The following XKR8 variants were observed in gnomAD, a reference collection of about 807,000 sequenced individuals.
XKR8 encodes the protein XK related 8, also known as XK-related protein 8.
A neutral mutation model predicts 17.1 loss-of-function variants in XKR8; 10 were observed. That is an observed-to-expected ratio of 0.59 (90% CI 0.36 to 0.99). The LOEUF is 0.99. Ranked by LOEUF, XKR8 falls within the 50% of genes least tolerant of loss-of-function variation. XKR8 has a pLI of 0.01. For missense variants in XKR8, 411 were observed against 515.6 expected (o/e 0.80, Z 1.96); for synonymous variants, 213 against 251.9 (o/e 0.85, Z 1.46).
At position 27,960,110 on chromosome 1, in the gene XKR8, T is replaced by C; in HGVS notation, c.41T>C (p.Val14Ala). The C allele has an allele frequency of 4.0e-6, 6 of 1,512,280 alleles. No homozygotes were observed. Among genetic ancestry groups the C allele is most frequent in the Non-Finnish European group, 5.3e-6 (6 of 1,137,234 alleles). 93.7% of individuals were successfully genotyped at this position (1,512,280 alleles called of 1,614,324 possible). Residue 14 changes from valine to alanine, a missense_variant, in exon 1 of 3, where the codon GTC (valine) becomes GCC (alanine). Physicochemically the swap from Val to Ala is moderately conservative, Grantham distance 64. Coordinates refer to ENST00000373884, the MANE Select transcript of XKR8 (RefSeq NM_018053.4). This position sits in a 1 kb window ranked among gnomAD's most constrained non-coding sequence, Gnocchi z 5.9. Reference sequence around the variant, plus strand: ...CGCGGCGCCCTCCTTCGGGACCTGGTCCTGGGCGTGCTGGGCACCGCCGCC... The same window carrying C: ...CGCGGCGCCCTCCTTCGGGACCTGGCCCTGGGCGTGCTGGGCACCGCCGCC... ...SSRGALLRDL[V>A]LGVLGTAAFL...
rs1238700867 is a variant in XKR8, at chr1:27,968,012, G to T, written c.*812G>T. The T allele has an allele frequency of 1.3e-5, 2 of 152,702 alleles. No homozygotes were observed. The highest frequency in any genetic ancestry group is 2.9e-5 in the Non-Finnish European group (2 of 68,088). The allele number at this position is 152,702 out of a possible 1,614,324, so 9.5% of individuals were successfully genotyped here. ...TCTATGTGAGAGGAAGAGAATGTGT[G>T]TGCCTGTGGGTCTCTACAAGTGACA... On this transcript the variant is annotated 3_prime_UTR_variant, in exon 3 of 3. Transcript: ENST00000373884.
rs1198242300 is a variant in XKR8, at chr1:27,966,606, C to T, written c.594C>T (p.Gly198=). 2.5e-6 allele frequency: 4 copies of T among 1,614,116 alleles called. No individual in the cohort carries two copies. Among genetic ancestry groups the T allele is most frequent in the South Asian group, 2.2e-5 (2 of 91,070 alleles). ...CLPSKPLLGL[G]SSVIYFLWNL... Reference sequence around the variant, plus strand: ...CCTCCAAGCCGCTCCTGGGCCTGGGCTCCTCCGTGATCTACTTCCTGTGGA... The same window carrying T: ...CCTCCAAGCCGCTCCTGGGCCTGGGTTCCTCCGTGATCTACTTCCTGTGGA... The change falls in exon 3 of 3, where the codon GGC becomes GGT. Residue 198 remains glycine (G), a synonymous_variant. Transcript: ENST00000373884. This position sits in a 1 kb window ranked among gnomAD's most constrained non-coding sequence, Gnocchi z 4.3.
rs1557508038 is a variant in XKR8, at chr1:27,967,491, C to T, written c.*291C>T. ...GAGGAAAGAAGACTACCTTTTCCCC[C>T]TGCCATTGGTATAGCTGGTGCCCCA... On this transcript the variant is annotated 3_prime_UTR_variant, in exon 3 of 3. Coordinates refer to ENST00000373884, the MANE Select transcript of XKR8 (RefSeq NM_018053.4). The surrounding 1 kb of genome is among the most constrained non-coding windows in gnomAD (Gnocchi z 4.3). 1 of 240,966 alleles carries T rather than the reference C, an allele frequency of 4.1e-6. No individual in the cohort carries two copies. Among genetic ancestry groups the T allele is most frequent in the Non-Finnish European group, 8.1e-6 (1 of 124,136 alleles). The allele number at this position is 240,966 out of a possible 1,614,324, so 14.9% of individuals were successfully genotyped here.
In XKR8 at chr1:27,967,502, A is replaced by G. The variant is rs1638601680; in HGVS notation, c.*302A>G. On this transcript the variant is annotated 3_prime_UTR_variant, in exon 3 of 3. Coordinates refer to ENST00000373884, the MANE Select transcript of XKR8 (RefSeq NM_018053.4). This position sits in a 1 kb window ranked among gnomAD's most constrained non-coding sequence, Gnocchi z 4.3. ...ACTACCTTTTCCCCCTGCCATTGGTATAGCTGGTGCCCCAAAACTTCCACC... is the reference window on the plus strand; with the variant it reads ...ACTACCTTTTCCCCCTGCCATTGGTGTAGCTGGTGCCCCAAAACTTCCACC... The G allele has an allele frequency of 9.0e-6, 2 of 222,046 alleles. No individual in the cohort carries two copies. Among genetic ancestry groups the G allele is most frequent in the Non-Finnish European group, 1.8e-5 (2 of 112,406 alleles). The allele number at this position is 222,046 out of a possible 1,614,324, so 13.8% of individuals were successfully genotyped here. A position where few individuals can be genotyped will look rare whatever the true frequency, so the allele number is the denominator to read the frequency against.
chr1:27,966,436 C>A lies in XKR8; in HGVS notation c.491-67C>A. 1 of 1,501,364 alleles carries A rather than the reference C, an allele frequency of 6.7e-7. No individual in the cohort carries two copies. The highest frequency in any genetic ancestry group is 9.1e-7 in the Non-Finnish European group (1 of 1,104,038). The allele number at this position is 1,501,364 out of a possible 1,614,324, so 93.0% of individuals were successfully genotyped here. A position where few individuals can be genotyped will look rare whatever the true frequency, so the allele number is the denominator to read the frequency against. ...GTTGCTGGGAGGGCCCCCACGGTAC[C>A]TGTGACCGCTGGGGAGTGCCAAGCA... On this transcript the variant is annotated intron_variant, in intron 2 of 2. Transcript: ENST00000373884. This position sits in a 1 kb window ranked among gnomAD's most constrained non-coding sequence, Gnocchi z 4.3.
rs115791730 is a variant in XKR8 at position 27,965,533 on chromosome 1, C to A, written c.491-970C>A. On this transcript the variant is annotated intron_variant, in intron 2 of 2. Transcript: ENST00000373884. This position sits in a 1 kb window ranked among gnomAD's most constrained non-coding sequence, Gnocchi z 4.1. ...GGGTCAGGGTGGGTGACTCCCGGGG[C>A]TCTTCAAGCTGGGGCCTGCGGGGTA... is the stretch of plus-strand genomic sequence containing the variant. 0.013 allele frequency among the ~76,000 whole-genome samples: 2,015 copies of A among 152,140 alleles called. 42 individuals are homozygous for A. The highest frequency in any genetic ancestry group is 0.045 in the African/African-American group (1,857 of 41,492).
rs1287238351 is a variant in XKR8 at position 27,960,685 on chromosome 1, C to T, written c.293+323C>T. Among the ~76,000 whole-genome samples the T allele has an allele frequency of 1.3e-5, 2 of 152,242 alleles. No individual in the cohort carries two copies. Among genetic ancestry groups the T allele is most frequent in the African/African-American group, 4.8e-5 (2 of 41,472 alleles). On this transcript the variant is annotated intron_variant, in intron 1 of 2. Transcript: ENST00000373884. The surrounding 1 kb of genome is among the most constrained non-coding windows in gnomAD (Gnocchi z 5.9). Reference sequence around the variant, plus strand: ...CCCCTCTCGCCTCACTTCTGCATTTCTCTGAGCCTCAGTTTCCTCCTGCGT... The same window carrying T: ...CCCCTCTCGCCTCACTTCTGCATTTTTCTGAGCCTCAGTTTCCTCCTGCGT...
Position 27,960,937 on chromosome 1 carries a change from C to T in XKR8, c.293+575C>T, listed in dbSNP as rs939671827. 1.3e-5 allele frequency among the ~76,000 whole-genome samples: 2 copies of T among 152,140 alleles called. No individual in the cohort carries two copies. Among genetic ancestry groups the T allele is most frequent in the East Asian group, 3.9e-4 (2 of 5,188 alleles). ...CATTGGGATGGGGATAGCGCCTGCCCGTTTGGTGAAGATGCAGTGAAATGA... is the reference window on the plus strand; with the variant it reads ...CATTGGGATGGGGATAGCGCCTGCCTGTTTGGTGAAGATGCAGTGAAATGA... On this transcript the variant is annotated intron_variant, in intron 1 of 2. Transcript: ENST00000373884. The surrounding 1 kb of genome is among the most constrained non-coding windows in gnomAD (Gnocchi z 5.9).
At position 27,960,429 on chromosome 1, in the gene XKR8, T is replaced by G. The variant is rs1012999751; in HGVS notation, c.293+67T>G. 1.4e-5 allele frequency: 18 copies of G among 1,327,484 alleles called. No individual in the cohort carries two copies. Among genetic ancestry groups the G allele is most frequent in the South Asian group, 1.9e-5 (1 of 51,812 alleles). The allele number at this position is 1,327,484 out of a possible 1,614,324, so 82.2% of individuals were successfully genotyped here. On this transcript the variant is annotated intron_variant, in intron 1 of 2. Coordinates refer to ENST00000373884, the MANE Select transcript of XKR8 (RefSeq NM_018053.4). The surrounding 1 kb of genome is among the most constrained non-coding windows in gnomAD (Gnocchi z 5.9). Reference sequence around the variant, plus strand: ...GCACCTCCGTCAGCTGGGTCACCTGTACAGGTGACACGCCATATGCCGGGA... The same window carrying G: ...GCACCTCCGTCAGCTGGGTCACCTGGACAGGTGACACGCCATATGCCGGGA...
At chr1:27,961,913 C>T (rs1482023177) in intron 1 of XKR8, among the ~76,000 whole-genome samples, 1 of 152,198 alleles carries the variant, frequency 6.6e-6, no homozygotes, top group East Asian at 1.9e-4. Flanking sequence ...ACTCTTCATG[C>T]CAGTGGGTAC....
Position 27,960,095 on chromosome 1 carries a change from T to C in XKR8, c.26T>C (p.Leu9Pro). Residue 9 changes from leucine (L) to proline (P), a missense_variant, in exon 1 of 3, where the codon CTC becomes CCC. Leu to Pro is a moderately conservative substitution (Grantham distance 98). Coordinates refer to ENST00000373884, the MANE Select transcript of XKR8 (RefSeq NM_018053.4). This position sits in a 1 kb window ranked among gnomAD's most constrained non-coding sequence, Gnocchi z 5.9. MPWSSRGA[L>P]LRDLVLGVLG... is the part of the protein sequence containing the mutation. ...ATGCCCTGGTCGTCCCGCGGCGCCC[T>C]CCTTCGGGACCTGGTCCTGGGCGTG... The C allele has an allele frequency of 6.8e-7, 1 of 1,479,914 alleles. No individual in the cohort carries two copies. Among genetic ancestry groups the C allele is most frequent in the East Asian group, 2.7e-5 (1 of 36,490 alleles). 91.7% of individuals were successfully genotyped at this position (1,479,914 alleles called of 1,614,324 possible).
Position 27,960,161 on chromosome 1 carries a change from T to C in XKR8, c.92T>C (p.Leu31Pro). ...AAFLLDLGTD[L>P]WAAVQYALGG... ...TTCCTGCTCGACCTGGGCACCGACC[T>C]GTGGGCCGCCGTCCAGTATGCGCTC... Residue 31 changes from leucine (L) to proline (P), a missense_variant, in exon 1 of 3, where the codon CTG (leucine) becomes CCG (proline). By Grantham distance (98) the Leu-to-Pro change is moderately conservative (BLOSUM62 -3). Transcript: ENST00000373884. The surrounding 1 kb of genome is among the most constrained non-coding windows in gnomAD (Gnocchi z 5.9). 1.3e-6 allele frequency: 2 copies of C among 1,527,930 alleles called. No homozygotes were observed. Among genetic ancestry groups the C allele is most frequent in the African/African-American group, 1.4e-5 (1 of 71,690 alleles). 94.6% of individuals were successfully genotyped at this position (1,527,930 alleles called of 1,614,324 possible). A position where few individuals can be genotyped will look rare whatever the true frequency, so the allele number is the denominator to read the frequency against.
In XKR8 at chr1:27,966,931, A is replaced by G. The variant is rs1225487437; in HGVS notation, c.919A>G (p.Ser307Gly). Reference protein sequence around the residue: ...ILLVATWVTHSSWLPSGIPLQ... With the variant: ...ILLVATWVTHGSWLPSGIPLQ... ...CCTGGTGGCCACCTGGGTGACTCAT[A>G]GCTCCTGGCTGCCCAGCGGGATTCC... Residue 307 changes from serine to glycine, a missense_variant, in exon 3 of 3, where the codon AGC becomes GGC. Coordinates refer to ENST00000373884, the MANE Select transcript of XKR8 (RefSeq NM_018053.4). The surrounding 1 kb of genome is among the most constrained non-coding windows in gnomAD (Gnocchi z 4.3). 2 of 1,614,124 alleles carry G rather than the reference A, an allele frequency of 1.2e-6. No homozygotes were observed. Among genetic ancestry groups the G allele is most frequent in the African/African-American group, 1.3e-5 (1 of 75,024 alleles).
At chr1:27,962,081 C>T (rs1638479447) in intron 1 of XKR8, among the ~76,000 whole-genome samples, 1 of 152,196 alleles carries the variant, frequency 6.6e-6, no homozygotes, top group African/African-American at 2.4e-5. Flanking sequence ...AGTCTGATTC[C>T]ATCTGGCCTG....
At position 27,960,379 on chromosome 1, in the gene XKR8, G is replaced by A. The variant is rs1638443501; in HGVS notation, c.293+17G>A. 2.9e-6 allele frequency: 4 copies of A among 1,360,822 alleles called. No individual in the cohort carries two copies. The highest frequency in any genetic ancestry group is 3.0e-5 in the East Asian group (1 of 33,640). The allele number at this position is 1,360,822 out of a possible 1,614,324, so 84.3% of individuals were successfully genotyped here. On this transcript the variant is annotated intron_variant, in intron 1 of 2. Transcript: ENST00000373884. The surrounding 1 kb of genome is among the most constrained non-coding windows in gnomAD (Gnocchi z 5.9). ...CCTGTACAGGTGAGTGCTTCGCCCC[G>A]GGAGGGGAGGAGTGTCGGAGCCCAG...
chr1:27,960,387 A>T lies in XKR8; in HGVS notation c.293+25A>T. ...GGTGAGTGCTTCGCCCCGGGAGGGG[A>T]GGAGTGTCGGAGCCCAGCACCTCCG... On this transcript the variant is annotated intron_variant, in intron 1 of 2. Coordinates refer to ENST00000373884, the MANE Select transcript of XKR8 (RefSeq NM_018053.4). This position sits in a 1 kb window ranked among gnomAD's most constrained non-coding sequence, Gnocchi z 5.9. 1.5e-6 allele frequency: 2 copies of T among 1,357,018 alleles called. No individual in the cohort carries two copies. The highest frequency in any genetic ancestry group is 1.8e-5 in the South Asian group (1 of 56,078). The allele number at this position is 1,357,018 out of a possible 1,614,324, so 84.1% of individuals were successfully genotyped here.
At position 27,966,921 on chromosome 1, in the gene XKR8, G is replaced by A. The variant is rs778536203; in HGVS notation, c.909G>A (p.Trp303Ter). 6.2e-7 allele frequency: 1 copy of A among 1,614,188 alleles called. No homozygotes were observed. Among genetic ancestry groups the A allele is most frequent in the South Asian group, 1.1e-5 (1 of 91,086 alleles). ...ACAGCATTCTCCTGGTGGCCACCTG[G>A]GTGACTCATAGCTCCTGGCTGCCCA... is the stretch of plus-strand genomic sequence containing the variant. ...LSDSILLVATWVTHSSWLPSG... is the reference protein window; with the variant it reads ...LSDSILLVAT The change falls in exon 3 of 3, where the codon TGG becomes TGA. Residue 303 changes from tryptophan to a stop codon, truncating the protein, a stop_gained. Coordinates refer to ENST00000373884, the MANE Select transcript of XKR8 (RefSeq NM_018053.4). LOFTEE classifies it low-confidence loss of function (END_TRUNC). This position sits in a 1 kb window ranked among gnomAD's most constrained non-coding sequence, Gnocchi z 4.3.
rs1638544235 is a variant in XKR8, at chr1:27,965,149, GT to G, written c.491-1353del. On this transcript the variant is annotated intron_variant, in intron 2 of 2. Coordinates refer to ENST00000373884, the MANE Select transcript of XKR8 (RefSeq NM_018053.4). This position sits in a 1 kb window ranked among gnomAD's most constrained non-coding sequence, Gnocchi z 4.1. ...TATATTGATCTTCATTTTTAAAGAG[GT>G]GCAGAAAGGTGAGTGACTTGCCCTG... 6.6e-6 allele frequency among the ~76,000 whole-genome samples: 1 copy of G among 152,076 alleles called. No homozygotes were observed. Among genetic ancestry groups the G allele is most frequent in the Non-Finnish European group, 1.5e-5 (1 of 68,034 alleles).
rs1442288292 is a variant in XKR8 at position 27,966,443 on chromosome 1, C to T, written c.491-60C>T. The T allele has an allele frequency of 9.8e-6, 15 of 1,531,552 alleles. No individual in the cohort carries two copies. Among genetic ancestry groups the T allele is most frequent in the Middle Eastern group, 3.5e-4 (2 of 5,746 alleles). The allele number at this position is 1,531,552 out of a possible 1,614,324, so 94.9% of individuals were successfully genotyped here. A position where few individuals can be genotyped will look rare whatever the true frequency, so the allele number is the denominator to read the frequency against. On this transcript the variant is annotated intron_variant, in intron 2 of 2. Transcript: ENST00000373884. The surrounding 1 kb of genome is among the most constrained non-coding windows in gnomAD (Gnocchi z 4.3). ...GGAGGGCCCCCACGGTACCTGTGACCGCTGGGGAGTGCCAAGCAGGCTGGC... is the reference window on the plus strand; with the variant it reads ...GGAGGGCCCCCACGGTACCTGTGACTGCTGGGGAGTGCCAAGCAGGCTGGC...
Sources: allele counts gnomAD v4.1 joint callset (sites outside exome capture counted in the v4.1 genomes callset), GRCh38; gene constraint gnomAD v4.1.1; non-coding constraint Gnocchi (gnomAD v3.1); transcripts MANE v1.5; gene names NCBI Gene and HGNC (gene_info 2026-07-23, HGNC 2026-07-21).